The following PCDH11X variants were observed in gnomAD, a reference collection of about 807,000 sequenced individuals.
PCDH11X encodes the protein protocadherin 11 X-linked.
Under a neutral mutation model 53.3 loss-of-function variants are expected in PCDH11X, and 18 were observed. That is an observed-to-expected ratio of 0.34 (90% CI 0.23 to 0.50). PCDH11X has a LOEUF of 0.50. PCDH11X is among the 20% of genes least tolerant of loss of function. The pLI, the probability that PCDH11X is intolerant of heterozygous loss-of-function variation, is 0.98. For missense variants in PCDH11X, 570 were observed against 1,032.4 expected (o/e 0.55, Z 6.14); for synonymous variants, 279 against 393.3 (o/e 0.71, Z 3.44).
intron 6 of PCDH11X, among the ~76,000 whole-genome samples, chrX:91,895,956 C>T (rs1331286792): frequency 4.0e-5 from 4 of 99,350 alleles, no homozygotes; most frequent in Non-Finnish European, 6.0e-5. Context: ...ATATTATGTA[C>T]GTGTATGTAA....
At chrX:91,949,774 T>C (rs957744175) in intron 6 of PCDH11X, among the ~76,000 whole-genome samples, 1 of 110,427 alleles carries the variant, frequency 9.1e-6, no homozygotes, top group African/African-American at 3.3e-5. Context: ...TTTATATTTT[T>C]AATCAGATAC....
chrX:91,881,552 A>G (rs1387813202), intron 6 of PCDH11X, among the ~76,000 whole-genome samples: 1 of 111,623 alleles, frequency 9.0e-6, no homozygotes, highest in African/African-American at 3.2e-5. Flanking sequence ...GACTAATATG[A>G]TACTAAAAAT....
chrX:92,238,177 G>C (rs2067203993), intron 7 of PCDH11X, among the ~76,000 whole-genome samples: 1 of 111,740 alleles, frequency 8.9e-6, no homozygotes, highest in Admixed American at 9.5e-5. Flanking sequence ...ACTTTAAAAT[G>C]CATCTTGTGA....
chrX:91,987,277 A>T (rs2062241974), intron 6 of PCDH11X, among the ~76,000 whole-genome samples: 1 of 110,488 alleles, frequency 9.1e-6, no homozygotes. Flanking sequence ...TAGAAATGGG[A>T]TTTCACGTTG....
intron 6 of PCDH11X, among the ~76,000 whole-genome samples, chrX:91,948,246 C>T (rs2061599283): frequency 9.1e-6 from 1 of 109,966 alleles, no homozygotes; most frequent in Non-Finnish European, 1.9e-5. Flanking sequence ...AAAAGAAATG[C>T]TATTTAAAAT....
chrX:92,121,850 C>T (rs2064772003), intron 6 of PCDH11X, among the ~76,000 whole-genome samples: 2 of 109,453 alleles, frequency 1.8e-5, no homozygotes, highest in South Asian at 4.0e-4. Flanking sequence ...CTCGGCCTCC[C>T]GAGTAGCTGG....
rs754168068 is a variant in PCDH11X at position 91,945,048 on chromosome X, C to CATATATAT, written c.3033+65788_3033+65795dup. ...TCTAAGTCTTCGTAGACATCATATA[C>CATATATAT]ATATATATATATATATATATTCTTA... is the stretch of plus-strand genomic sequence containing the variant. On this transcript the variant is annotated intron_variant, in intron 6 of 10. Coordinates refer to ENST00000682573, the MANE Select transcript of PCDH11X (RefSeq NM_032968.5). Among the ~76,000 whole-genome samples the CATATATAT allele has an allele frequency of 2.0e-3, 125 of 63,221 alleles. 7 individuals are homozygous for CATATATAT. Among genetic ancestry groups the CATATATAT allele is most frequent in the African/African-American group, 5.2e-3 (104 of 19,852 alleles). The allele number at this position is 63,221 out of a possible 115,157, so 54.9% of individuals were successfully genotyped here.
At chrX:92,031,761 C>T (rs1235252596) in intron 6 of PCDH11X, among the ~76,000 whole-genome samples, 2 of 111,233 alleles carry the variant, frequency 1.8e-5, no homozygotes, top group Admixed American at 1.9e-4. Flanking sequence ...AGAGTATGTT[C>T]TTGGCACCTT....
intron 6 of PCDH11X, among the ~76,000 whole-genome samples, chrX:92,131,612 A>G: frequency 8.9e-6 from 1 of 111,975 alleles, no homozygotes; most frequent in Non-Finnish European, 1.9e-5. Context: ...TCTAAGCTAT[A>G]TGTCTACCTG....
chrX:92,230,652 C>G (rs2067059527), intron 7 of PCDH11X, among the ~76,000 whole-genome samples: 1 of 99,520 alleles, frequency 1.0e-5, no homozygotes, highest in African/African-American at 3.7e-5. Context: ...TTTCTCTACA[C>G]AGAAGTCATC....
intron 5 of PCDH11X, among the ~76,000 whole-genome samples, chrX:91,872,754 T>C (rs1254524491): frequency 1.8e-5 from 2 of 108,731 alleles, no homozygotes; most frequent in East Asian, 5.8e-4. Flanking sequence ...TAAGGAGCCA[T>C]ACGTTTTATC....
chrX:92,087,283 C>T (rs1166719374), intron 6 of PCDH11X, among the ~76,000 whole-genome samples: 3 of 106,551 alleles, frequency 2.8e-5, no homozygotes, highest in Non-Finnish European at 3.9e-5. Context: ...TTAGTAGTGG[C>T]GGGGTTTCTG....
At chrX:91,850,433 T>A (rs1435359463) in intron 5 of PCDH11X, among the ~76,000 whole-genome samples, 1 of 111,713 alleles carries the variant, frequency 9.0e-6, no homozygotes, top group Non-Finnish European at 1.9e-5. Context: ...TACCTACAAT[T>A]TTAACTTCTG....
At chrX:92,279,189 G>T (rs2068189551) in intron 8 of PCDH11X, among the ~76,000 whole-genome samples, 1 of 111,921 alleles carries the variant, frequency 8.9e-6, no homozygotes, top group Non-Finnish European at 1.9e-5. Context: ...CACTATATTT[G>T]ATTCCTTTTA....
At chrX:91,902,775 G>A (rs1169459567) in intron 6 of PCDH11X, among the ~76,000 whole-genome samples, 1 of 108,609 alleles carries the variant, frequency 9.2e-6, no homozygotes, top group Non-Finnish European at 1.9e-5. Flanking sequence ...AACTGATAGA[G>A]TCACCATTCA....
intron 6 of PCDH11X, among the ~76,000 whole-genome samples, chrX:91,977,721 CT>C (rs1195804682): frequency 9.0e-6 from 1 of 111,261 alleles, no homozygotes; most frequent in African/African-American, 3.3e-5. Flanking sequence ...TACATATGAT[CT>C]AAAAAACTGG....
chrX:92,375,907 C>A (rs1479105757), intron 8 of PCDH11X, among the ~76,000 whole-genome samples: 1 of 112,098 alleles, frequency 8.9e-6, no homozygotes, highest in Non-Finnish European at 1.9e-5. Flanking sequence ...TAGGCGTGAG[C>A]CACCGTGCCT....
chrX:92,107,629 C>T (rs12006789), intron 6 of PCDH11X, among the ~76,000 whole-genome samples: 108 of 112,379 alleles, frequency 9.6e-4, no homozygotes, highest in African/African-American at 3.0e-3. Flanking sequence ...CCCTGCTACT[C>T]GGGAGGCTGA....
chrX:92,426,599 A>T (rs1291066594), intron 9 of PCDH11X, among the ~76,000 whole-genome samples: 1 of 108,138 alleles, frequency 9.2e-6, no homozygotes, highest in African/African-American at 3.3e-5. Context: ...ACAATATAAT[A>T]ACTAATATCA....
Sources: allele counts gnomAD v4.1 joint callset (sites outside exome capture counted in the v4.1 genomes callset), GRCh38; gene constraint gnomAD v4.1.1; transcripts MANE v1.5; gene names NCBI Gene and HGNC (gene_info 2026-07-23, HGNC 2026-07-21).